FAAP20: variants seen among roughly 807,000 people sequenced by gnomAD.
The protein encoded by FAAP20 is FA core complex associated protein 20.
FAAP20 carries 12 observed loss-of-function variants against 16.2 expected under a neutral mutation model. The observed-to-expected ratio is 0.74, with a 90% CI of 0.48 to 1.20. The LOEUF (loss-of-function observed/expected upper bound fraction) is 1.20, where lower values mean the gene tolerates loss of function less well. Among genes scored for constraint, FAAP20 ranks in the 50% most tolerant of loss-of-function variants. The pLI, the probability that FAAP20 is intolerant of heterozygous loss-of-function variation, is 0.00. For missense variants in FAAP20, 288 were observed against 245.8 expected, an observed-to-expected ratio of 1.17 and a Z score of -1.15; for synonymous variants, 141 against 110.7, an observed-to-expected ratio of 1.27 and a Z score of -1.72.
intron 2 of FAAP20, 22 bp from the exon 3 acceptor site, chr1:2,193,932 C>G (rs758685834): frequency 1.2e-6 from 2 of 1,612,212 alleles, no homozygotes; most frequent in African/African-American, 2.7e-5. Flanking sequence ...AGTTGTTGGG[C>G]CTTGCCCAGC....
chr1:2,189,033 AAG>A (rs990185865), downstream of FAAP20, among the ~76,000 whole-genome samples: 1 of 142,120 alleles, frequency 7.0e-6, no homozygotes, highest in Non-Finnish European at 1.5e-5. Context: ...AAAAAACAAA[AAG>A]AACGCCACCA....
chr1:2,198,571 G>A (rs549563412), upstream of FAAP20: 5 of 848,242 alleles, frequency 5.9e-6, no homozygotes, highest in Admixed American at 3.7e-5. Flanking sequence ...CTAAGACAGC[G>A]GTGACGGGCC....
downstream of FAAP20, among the ~76,000 whole-genome samples, chr1:2,189,011 GAA>G (rs71578368): frequency 4.7e-5 from 5 of 105,912 alleles, no homozygotes; most frequent in East Asian, 2.6e-4. Flanking sequence ...TCTCAAAAAA[GAA>G]AAAAAAAAAA....
chr1:2,200,643 T>C (rs1689013646), upstream of FAAP20: 1 of 986,018 alleles, frequency 1.0e-6, no homozygotes, highest in African/African-American at 1.7e-5. Flanking sequence ...TGGTCATTTT[T>C]TCACAGCAGC....
chr1:2,185,418 G>T (rs188463485), downstream of FAAP20: 56 of 718,604 alleles, frequency 7.8e-5, no homozygotes, highest in Non-Finnish European at 1.3e-4. Flanking sequence ...CCTTTTTTCC[G>T]TGAGTGGCGC....
chr1:2,209,719 C>A (rs1334535548), downstream of FAAP20, among the ~76,000 whole-genome samples: 1 of 152,206 alleles, frequency 6.6e-6, no homozygotes, highest in East Asian at 1.9e-4. Context: ...CGTTCGGCCA[C>A]CCCACTTTGT....
upstream of FAAP20, chr1:2,194,847 C>G: frequency 1.0e-6 from 1 of 964,588 alleles, no homozygotes; most frequent in South Asian, 4.9e-5. Context: ...TGCAGCGAGG[C>G]CGCCCCCCTC....
chr1:2,198,165 G>A (rs981834627), upstream of FAAP20: 23 of 1,288,504 alleles, frequency 1.8e-5, no homozygotes, highest in African/African-American at 3.5e-4. Context: ...ATAATTTCTG[G>A]TTGGGACTGA....
downstream of FAAP20, among the ~76,000 whole-genome samples, chr1:2,186,489 G>T: frequency 7.8e-6 from 1 of 127,558 alleles, no homozygotes; most frequent in South Asian, 2.6e-4. Context: ...CGAGACCCTG[G>T]ACACCCGCCC....
At chr1:2,199,750 G>A, upstream of FAAP20, 1 of 599,180 alleles carries the variant, frequency 1.7e-6, no homozygotes, top group Non-Finnish European at 2.1e-6. The surrounding 1 kb of genome is among the most constrained non-coding windows in gnomAD (Gnocchi z 4.5). Flanking sequence ...GTTAGGGTTG[G>A]CCCTGAATGC....
upstream of FAAP20, chr1:2,199,328 C>A: frequency 1.9e-6 from 2 of 1,033,990 alleles, no homozygotes; most frequent in Non-Finnish European, 2.3e-6. This position sits in a 1 kb window ranked among gnomAD's most constrained non-coding sequence, Gnocchi z 4.5. Context: ...TCAGCCCCCA[C>A]CCAGGGGCGG....
At chr1:2,189,334 AAAAAAAAAAAC>A (rs569756297), downstream of FAAP20, among the ~76,000 whole-genome samples, 468 of 151,706 alleles carry the variant, frequency 3.1e-3, 5 homozygotes, top group Non-Finnish European at 4.3e-3. Context: ...CCTGTCTCAA[AAAAAAAAAAAC>A]AAAAAAAAAA....
upstream of FAAP20, among the ~76,000 whole-genome samples, chr1:2,195,973 G>GC (rs1557786232): frequency 6.6e-6 from 1 of 152,190 alleles, no homozygotes; most frequent in African/African-American, 2.4e-5. Context: ...GGGGGAGGGG[G>GC]CCTGGGGGAG....
At chr1:2,211,198 GTTTCT>G (rs1007398195), downstream of FAAP20, among the ~76,000 whole-genome samples, 12 of 147,542 alleles carry the variant, frequency 8.1e-5, no homozygotes, top group African/African-American at 1.2e-4. Context: ...TTGGGAGCAA[GTTTCT>G]TTTCTTTTCT....
downstream of FAAP20, among the ~76,000 whole-genome samples, chr1:2,189,011 G>GAA (rs71578368): frequency 0.062 from 6,601 of 105,774 alleles, 487 homozygotes; most frequent in African/African-American, 0.18. Flanking sequence ...TCTCAAAAAA[G>GAA]AAAAAAAAAA....
downstream of FAAP20, among the ~76,000 whole-genome samples, chr1:2,188,865 C>T (rs905690694): frequency 2.0e-5 from 3 of 152,154 alleles, no homozygotes; most frequent in Non-Finnish European, 1.5e-5. Flanking sequence ...ATTAGCCGGG[C>T]GTGGTGGCGG....
chr1:2,192,962 A>G, intron 3 of FAAP20: 1 of 1,303,906 alleles, frequency 7.7e-7, no homozygotes, highest in South Asian at 1.2e-5. Flanking sequence ...CGCATTCCCG[A>G]GCTGTTTTTG....
At position 2,193,739 on chromosome 1, in the gene FAAP20, G is replaced by C. The variant is rs776085784; in HGVS notation, c.370C>G (p.Pro124Ala). 1.9e-6 allele frequency: 3 copies of C among 1,591,758 alleles called. No individual in the cohort carries two copies. Among genetic ancestry groups the C allele is most frequent in the Non-Finnish European group, 2.6e-6 (3 of 1,172,892 alleles). Reference protein sequence around the residue: ...PARSLPQRPAPDPCRAPRVEQ... With the variant: ...PARSLPQRPAADPCRAPRVEQ... Reference sequence around the variant, plus strand: ...ACCCTGGGGGCCCTGCAGGGATCAGGTGCCGGGCGCTGGGGCAGGGACCTG... The same window carrying C: ...ACCCTGGGGGCCCTGCAGGGATCAGCTGCCGGGCGCTGGGGCAGGGACCTG... The change falls in exon 3 of 4, where the codon CCT becomes GCT. Residue 124 changes from proline (P) to alanine (A), a missense_variant. Transcript: ENST00000378546.
At chr1:2,186,912 C>T, downstream of FAAP20, 1 of 232,608 alleles carries the variant, frequency 4.3e-6, no homozygotes, top group Non-Finnish European at 8.9e-6. Context: ...GTGAGTAATG[C>T]TGTGCTCATC....
Sources: gnomAD v4.1 joint callset for allele counts (sites outside exome capture counted in the v4.1 genomes callset) on GRCh38, gnomAD v4.1.1 for gene constraint, Gnocchi (gnomAD v3.1) non-coding constraint, MANE v1.5 for transcripts, NCBI Gene and HGNC (gene_info 2026-07-23, HGNC 2026-07-21) for gene names.